The following PLCZ1 variants were observed in gnomAD, a reference collection of about 807,000 sequenced individuals.
The protein encoded by PLCZ1 is phospholipase C zeta 1.
In PLCZ1, 64 loss-of-function variants were observed where a neutral mutation model predicts 76.8. That is an observed-to-expected ratio of 0.83 (90% CI 0.68 to 1.03). PLCZ1 has a LOEUF of 1.03. Ranked by LOEUF, PLCZ1 falls within the 50% of genes least tolerant of loss-of-function variation. The pLI is 0.00. For synonymous variants in PLCZ1, 248 were observed against 230.8 expected, an observed-to-expected ratio of 1.07 and a Z score of -0.68; for missense variants, 751 against 713.7, an observed-to-expected ratio of 1.05 and a Z score of -0.60.
At chr12:18,647,352 T>G in the PLCZ1 span, among the ~76,000 whole-genome samples, 1 of 151,814 alleles carries the variant, frequency 6.6e-6, no homozygotes, top group Non-Finnish European at 1.5e-5. Flanking sequence ...GGGTGCTACG[T>G]TCACTACTTA....
At chr12:18,721,579 T>C (rs1958436759) in intron 4 of PLCZ1, among the ~76,000 whole-genome samples, 2 of 152,084 alleles carry the variant, frequency 1.3e-5, no homozygotes, top group Admixed American at 1.3e-4. Context: ...AAAGTAATTG[T>C]TTTGGTAATA....
chr12:18,704,409 C>A (rs1169987270), intron 7 of PLCZ1, among the ~76,000 whole-genome samples: 1 of 151,876 alleles, frequency 6.6e-6, no homozygotes, highest in African/African-American at 2.4e-5. Context: ...CACTGTAACC[C>A]CCGCCTCCCG....
chr12:18,650,416 GA>G, the PLCZ1 span, among the ~76,000 whole-genome samples: 2 of 142,892 alleles, frequency 1.4e-5, no homozygotes, highest in Non-Finnish European at 3.0e-5. Flanking sequence ...TTTTTTAAGA[GA>G]ATTACATAGG....
chr12:18,713,749 G>T (rs1299354283), intron 5 of PLCZ1: 2 of 152,114 alleles, frequency 1.3e-5, no homozygotes, highest in Non-Finnish European at 2.9e-5. Context: ...CAGAATACAA[G>T]TTCACAGCTT....
intron 5 of PLCZ1, chr12:18,713,917 CA>C (rs1464651127): frequency 6.6e-6 from 1 of 152,150 alleles, no homozygotes; most frequent in Non-Finnish European, 1.5e-5. Context: ...AATTAATTTT[CA>C]GTGTTCATAC....
chr12:18,713,192 A>G (rs1957545412), intron 5 of PLCZ1, among the ~76,000 whole-genome samples: 1 of 152,126 alleles, frequency 6.6e-6, no homozygotes, highest in Non-Finnish European at 1.5e-5. Flanking sequence ...TGTGTAGTAC[A>G]ATACTGTGTC....
At chr12:18,721,546 T>A (rs1958434639) in intron 4 of PLCZ1, among the ~76,000 whole-genome samples, 1 of 152,046 alleles carries the variant, frequency 6.6e-6, no homozygotes, top group South Asian at 2.1e-4. Flanking sequence ...TCTTTTAATT[T>A]ACCACCTGAA....
chr12:18,719,576 C>A lies in PLCZ1; in HGVS notation c.424G>T (p.Glu142Ter). The change falls in exon 5 of 15, where the codon GAA (glutamate) becomes TAA (stop). Residue 142 changes from glutamate to a stop codon, truncating the protein, a stop_gained. Transcript: ENST00000266505. LOFTEE classifies it high-confidence loss of function. ...CATTCATTTTTAAACAGTAGACATT[C>A]ACGTGAATCCATGTATCTTGTAAAA... ...EGFTRYMDSRECLLFKNECRK... is the reference protein window; with the variant it reads ...EGFTRYMDSR 1.2e-6 allele frequency: 2 copies of A among 1,605,916 alleles called. No homozygotes were observed.
chr12:18,664,240 T>A, the PLCZ1 span, among the ~76,000 whole-genome samples: 78,941 of 152,010 alleles, frequency 0.52, 21,635 homozygotes, highest in South Asian at 0.66. Flanking sequence ...TAAACATAGA[T>A]TTACCACATA....
chr12:18,645,759 G>A, the PLCZ1 span, among the ~76,000 whole-genome samples: 4 of 152,072 alleles, frequency 2.6e-5, no homozygotes, highest in African/African-American at 9.7e-5. Context: ...TTATACAAAT[G>A]AGAAAACACA....
At chr12:18,680,500 A>G (rs1173014543), downstream of PLCZ1, among the ~76,000 whole-genome samples, 1 of 152,002 alleles carries the variant, frequency 6.6e-6, no homozygotes, top group Admixed American at 6.6e-5. Flanking sequence ...AGTGACCATC[A>G]TTTCCCAGAC....
At chr12:18,728,745 T>C (rs879767462) in intron 3 of PLCZ1, among the ~76,000 whole-genome samples, 2 of 152,154 alleles carry the variant, frequency 1.3e-5, no homozygotes, top group Non-Finnish European at 2.9e-5. Context: ...GCAAAACAGA[T>C]TGCAATGGAT....
chr12:18,653,583 A>G, the PLCZ1 span, among the ~76,000 whole-genome samples: 1 of 152,168 alleles, frequency 6.6e-6, no homozygotes, highest in Non-Finnish European at 1.5e-5. Flanking sequence ...GTTCCTTTGT[A>G]TGTGTGCATG....
At chr12:18,721,400 G>A (rs1592260429) in intron 4 of PLCZ1, among the ~76,000 whole-genome samples, 1 of 152,148 alleles carries the variant, frequency 6.6e-6, no homozygotes, top group East Asian at 1.9e-4. Flanking sequence ...TGAAATGCAA[G>A]GTCCTGGCTG....
chr12:18,705,463 T>G (rs1956480513), intron 6 of PLCZ1, 148 bp from the exon 7 acceptor site: 1 of 942,576 alleles, frequency 1.1e-6, no homozygotes, highest in Non-Finnish European at 1.6e-6. Context: ...AAAGTACTTT[T>G]GAGTTTGGCA....
intron 3 of PLCZ1, among the ~76,000 whole-genome samples, chr12:18,725,206 A>C (rs1468941661): frequency 2.0e-5 from 3 of 152,150 alleles, no homozygotes; most frequent in Non-Finnish European, 4.4e-5. Flanking sequence ...TAGTAGAAAG[A>C]GAATGGAAAA....
At chr12:18,702,244 A>T (rs1264448995) in intron 7 of PLCZ1, among the ~76,000 whole-genome samples, 2 of 152,090 alleles carry the variant, frequency 1.3e-5, no homozygotes, top group East Asian at 1.9e-4. Context: ...TAAATTAAAG[A>T]TTCGTAATAA....
chr12:18,694,667 G>C (rs1000040908), intron 12 of PLCZ1, among the ~76,000 whole-genome samples: 5 of 152,134 alleles, frequency 3.3e-5, no homozygotes, highest in Non-Finnish European at 7.4e-5. Context: ...AGAACTTTGA[G>C]AGGAGAAGGT....
chr12:18,663,073 C>A, the PLCZ1 span, among the ~76,000 whole-genome samples: 1 of 151,968 alleles, frequency 6.6e-6, no homozygotes, highest in African/African-American at 2.4e-5. Context: ...GGAAAACTAC[C>A]TCAGCATAAT....
Sources: allele counts gnomAD v4.1 joint callset (sites outside exome capture counted in the v4.1 genomes callset), GRCh38; gene constraint gnomAD v4.1.1; transcripts MANE v1.5; gene names NCBI Gene and HGNC (gene_info 2026-07-23, HGNC 2026-07-21).